Variants in GRM7 observed in about 807,000 individuals in gnomAD.
GRM7 encodes the protein metabotropic glutamate receptor 7.
GRM7 carries 35 observed loss-of-function variants against 84.5 expected under a neutral mutation model. The ratio of observed to expected loss-of-function variants is 0.41; its 90% CI spans 0.32 to 0.55. The LOEUF (loss-of-function observed/expected upper bound fraction) is 0.55, where lower values mean the gene tolerates loss of function less well. GRM7 is among the 20% of genes least tolerant of loss of function. The pLI, the probability that GRM7 is intolerant of heterozygous loss-of-function variation, is 0.19. For synonymous variants in GRM7, 487 were observed against 455.1 expected, an observed-to-expected ratio of 1.07 and a Z score of -0.89; for missense variants, 1,003 against 1,194.6, an observed-to-expected ratio of 0.84 and a Z score of 2.36.
At chr3:7,576,992 C>T (rs1455382808) in intron 7 of GRM7, among the ~76,000 whole-genome samples, 1 of 152,190 alleles carries the variant, frequency 6.6e-6, no homozygotes, top group Non-Finnish European at 1.5e-5. Context: ...TTCCACTCAG[C>T]TTCCCTCTAT....
intron 1 of GRM7, among the ~76,000 whole-genome samples, chr3:6,865,111 C>G (rs1418920146): frequency 6.6e-6 from 1 of 152,198 alleles, no homozygotes; most frequent in Non-Finnish European, 1.5e-5. Flanking sequence ...ATCACTGCAA[C>G]TGCCCTGCAA....
rs200542669 is a variant in GRM7, at chr3:6,973,324, G to C, written c.519+111417G>C. 7.9e-5 allele frequency among the ~76,000 whole-genome samples: 12 copies of C among 151,898 alleles called. No homozygotes were observed. In the East Asian group the frequency reaches 2.3e-3, roughly 30 times the overall value. Reference sequence around the variant, plus strand: ...TAATTGAACATCTACTATGTACCATGTTCCTTCTTAGCACCGATCTCAGTA... The same window carrying C: ...TAATTGAACATCTACTATGTACCATCTTCCTTCTTAGCACCGATCTCAGTA... On this transcript the variant is annotated intron_variant, in intron 1 of 9. Transcript: ENST00000357716.
At position 6,863,933 on chromosome 3, in the gene GRM7, G is replaced by A. The variant is rs1574939849; in HGVS notation, c.519+2026G>A. ...GTTACAGACTAGGCTGAGGGACTGT[G>A]TTTGCTGAAAAATATTCCAGGGGGA... is the stretch of plus-strand genomic sequence containing the variant. On this transcript the variant is annotated intron_variant, in intron 1 of 9. Transcript: ENST00000357716. The surrounding 1 kb of genome is among the most constrained non-coding windows in gnomAD (Gnocchi z 4.8). Among the ~76,000 whole-genome samples the A allele has an allele frequency of 6.6e-6, 1 of 152,134 alleles. No individual in the cohort carries two copies. The highest frequency in any genetic ancestry group is 1.5e-5 in the Non-Finnish European group (1 of 68,038).
chr3:7,468,015 G>A (rs187884703), intron 7 of GRM7, among the ~76,000 whole-genome samples: 1 of 152,124 alleles, frequency 6.6e-6, no homozygotes. Flanking sequence ...TAAGACATAA[G>A]AAAAGCAGTT....
chr3:7,593,576 G>T (rs918735667), intron 8 of GRM7, among the ~76,000 whole-genome samples: 2 of 152,128 alleles, frequency 1.3e-5, no homozygotes, highest in Non-Finnish European at 2.9e-5. Flanking sequence ...TCTTGGAGGA[G>T]GTGCTCTTCA....
chr3:7,658,559 CA>C (rs1243005599), intron 8 of GRM7, among the ~76,000 whole-genome samples: 2 of 152,172 alleles, frequency 1.3e-5, no homozygotes, highest in African/African-American at 4.8e-5. Flanking sequence ...AACTGACTCA[CA>C]GTCAATTTTT....
At chr3:7,246,361 G>T (rs1436057959) in intron 2 of GRM7, among the ~76,000 whole-genome samples, 1 of 152,100 alleles carries the variant, frequency 6.6e-6, no homozygotes, top group Non-Finnish European at 1.5e-5. Flanking sequence ...TCTGCACATT[G>T]GCACATCTTT....
chr3:7,142,402 CATG>C (rs1347232339), intron 1 of GRM7, among the ~76,000 whole-genome samples: 1 of 152,030 alleles, frequency 6.6e-6, no homozygotes, highest in Non-Finnish European at 1.5e-5. Context: ...AACTTACAAT[CATG>C]GTGGAAGGCG....
chr3:7,566,045 A>G (rs1428663424), intron 7 of GRM7, among the ~76,000 whole-genome samples: 1 of 151,900 alleles, frequency 6.6e-6, no homozygotes, highest in Non-Finnish European at 1.5e-5. Context: ...TTATGAATAG[A>G]TAAATCCACC....
At chr3:7,422,659 T>G (rs1696445270) in intron 5 of GRM7, among the ~76,000 whole-genome samples, 1 of 152,172 alleles carries the variant, frequency 6.6e-6, no homozygotes, top group African/African-American at 2.4e-5. Context: ...TCCTTAATAC[T>G]TCAGTATTTT....
At chr3:7,123,277 G>A (rs1028567224) in intron 1 of GRM7, among the ~76,000 whole-genome samples, 1 of 152,192 alleles carries the variant, frequency 6.6e-6, no homozygotes, top group Non-Finnish European at 1.5e-5. Context: ...TACCAGAATG[G>A]TGGCTTGCAA....
intron 1 of GRM7, among the ~76,000 whole-genome samples, chr3:7,041,875 AG>A (rs1318341201): frequency 2.0e-5 from 3 of 152,208 alleles, no homozygotes; most frequent in Non-Finnish European, 4.4e-5. Context: ...AGGAGGGGCA[AG>A]GGGGCAGAAG....
intron 2 of GRM7, among the ~76,000 whole-genome samples, chr3:7,207,506 T>C (rs570566093): frequency 1.1e-4 from 16 of 152,164 alleles, no homozygotes; most frequent in Non-Finnish European, 1.9e-4. Context: ...TACACTGTCT[T>C]AACCTCAACA....
Position 7,468,170 on chromosome 3 carries a change from A to G in GRM7, c.1515+6448A>G, listed in dbSNP as rs562709106. On this transcript the variant is annotated intron_variant, in intron 7 of 9. Transcript: ENST00000357716. The stretch of plus-strand genomic sequence containing the variant: ...AATCTTATTATACTCATAATTTACA[A>G]TGTATTACATGAGGTATGTAATAGC... Among the ~76,000 whole-genome samples the G allele has an allele frequency of 5.9e-5, 9 of 152,338 alleles. No homozygotes were observed. In the South Asian group the frequency reaches 1.4e-3, roughly 25 times the overall value.
intron 7 of GRM7, among the ~76,000 whole-genome samples, chr3:7,468,871 C>T (rs974834028): frequency 5.3e-5 from 8 of 152,174 alleles, no homozygotes; most frequent in Admixed American, 2.0e-4. Flanking sequence ...TTTTCTGAGG[C>T]CTCCCTAGCC....
At chr3:7,338,148 T>C (rs1701497918) in intron 4 of GRM7, among the ~76,000 whole-genome samples, 2 of 141,788 alleles carry the variant, frequency 1.4e-5, no homozygotes, top group Admixed American at 1.4e-4. Context: ...ACACACCCCA[T>C]GGAATACTAT....
intron 2 of GRM7, among the ~76,000 whole-genome samples, chr3:7,293,430 C>G (rs1212585445): frequency 6.6e-6 from 1 of 152,160 alleles, no homozygotes; most frequent in Non-Finnish European, 1.5e-5. Flanking sequence ...GTATGTATCA[C>G]TCTCTCAAGC....
intron 4 of GRM7, among the ~76,000 whole-genome samples, chr3:7,407,993 G>A (rs774533564): frequency 1.3e-5 from 2 of 151,994 alleles, no homozygotes; most frequent in Non-Finnish European, 1.5e-5. Context: ...ACATATATTA[G>A]CACATCCGAT....
chr3:7,525,768 C>G (rs1387769260), intron 7 of GRM7, among the ~76,000 whole-genome samples: 2 of 151,966 alleles, frequency 1.3e-5, no homozygotes, highest in Non-Finnish European at 2.9e-5. Context: ...CCATGTGTAT[C>G]CAATGTTTAG....
Sources: allele counts gnomAD v4.1 joint callset (sites outside exome capture counted in the v4.1 genomes callset), GRCh38; gene constraint gnomAD v4.1.1; non-coding constraint Gnocchi (gnomAD v3.1); transcripts MANE v1.5; gene names NCBI Gene and HGNC (gene_info 2026-07-23, HGNC 2026-07-21).